Variants in PITPNM2 observed in about 807,000 individuals in gnomAD.
The protein encoded by PITPNM2 is membrane-associated phosphatidylinositol transfer protein 2.
A neutral mutation model predicts 132.2 loss-of-function variants in PITPNM2; 35 were observed. The ratio of observed to expected loss-of-function variants is 0.26; its 90% CI spans 0.20 to 0.35. The LOEUF is 0.35. Ranked by LOEUF, PITPNM2 falls within the 10% of genes least tolerant of loss-of-function variation. The pLI, the probability that PITPNM2 is intolerant of heterozygous loss-of-function variation, is 1.00. For missense variants in PITPNM2, 1,332 were observed against 1,912.0 expected (o/e 0.70, Z 5.66); for synonymous variants, 738 against 799.2 (o/e 0.92, Z 1.29).
intron 2 of PITPNM2, among the ~76,000 whole-genome samples, chr12:123,069,026 G>A (rs2041537929): frequency 6.6e-6 from 1 of 152,178 alleles, no homozygotes; most frequent in South Asian, 2.1e-4. Flanking sequence ...GCTGAGGTGG[G>A]AGGATTGCTT....
chr12:123,150,211 C>A lies in PITPNM2; in HGVS notation c.-200+542G>T, dbSNP rs978411861. On this transcript the variant is annotated intron_variant, in intron 1 of 25. Coordinates refer to ENST00000320201, the MANE Select transcript of PITPNM2 (RefSeq NM_020845.3). This position sits in a 1 kb window ranked among gnomAD's most constrained non-coding sequence, Gnocchi z 6.0. ...GATTCGGGGTGGGAAGAAGACAGAG[C>A]CGGCACCCCATTACCACACGAAGGG... Among the ~76,000 whole-genome samples, 3 of 151,988 alleles carry A rather than the reference C, an allele frequency of 2.0e-5. No individual in the cohort carries two copies. Among genetic ancestry groups the A allele is most frequent in the Non-Finnish European group, 4.4e-5 (3 of 67,964 alleles).
chr12:123,128,431 A>AC (rs1441488009), intron 1 of PITPNM2, among the ~76,000 whole-genome samples: 1 of 133,244 alleles, frequency 7.5e-6, no homozygotes, highest in African/African-American at 3.0e-5. Context: ...ACAGAGCAAG[A>AC]CCCCGTCTCA....
intron 1 of PITPNM2, among the ~76,000 whole-genome samples, chr12:123,124,956 TA>T (rs1566302850): frequency 6.6e-6 from 1 of 152,004 alleles, no homozygotes; most frequent in Non-Finnish European, 1.5e-5. Context: ...AATGTTTCGT[TA>T]AAAAAATTTT....
intron 17 of PITPNM2, among the ~76,000 whole-genome samples, 183 bp from the exon 18 acceptor site, chr12:122,990,131 T>C (rs1387211121): frequency 2.0e-5 from 3 of 152,230 alleles, no homozygotes; most frequent in Non-Finnish European, 4.4e-5. Context: ...AGCTCCTGCA[T>C]GGCCACCCTG....
Position 123,077,925 on chromosome 12 carries a change from G to A in PITPNM2, c.-96+32460C>T, listed in dbSNP as rs1045137284. ...TGCAGAGGTCCGCTGAGCTCCCCAT[G>A]CTGCCGGCCTCAGGGGGCCGCCCCC... On this transcript the variant is annotated intron_variant, in intron 2 of 25. Transcript: ENST00000320201. This position sits in a 1 kb window ranked among gnomAD's most constrained non-coding sequence, Gnocchi z 4.8. 6.6e-6 allele frequency among the ~76,000 whole-genome samples: 1 copy of A among 152,212 alleles called. No homozygotes were observed. Among genetic ancestry groups the A allele is most frequent in the Non-Finnish European group, 1.5e-5 (1 of 68,040 alleles).
At position 123,106,272 on chromosome 12, in the gene PITPNM2, C is replaced by G. The variant is rs1019903443; in HGVS notation, c.-96+4113G>C. 6.6e-6 allele frequency among the ~76,000 whole-genome samples: 1 copy of G among 152,122 alleles called. No homozygotes were observed. The highest frequency in any genetic ancestry group is 1.5e-5 in the Non-Finnish European group (1 of 68,024). ...GTGTGGTGGTGTGCACCTGTAGTCC[C>G]AGCTACTCAGGAGGCTGAGGTGGGA... On this transcript the variant is annotated intron_variant, in intron 2 of 25. Coordinates refer to ENST00000320201, the MANE Select transcript of PITPNM2 (RefSeq NM_020845.3). This position sits in a 1 kb window ranked among gnomAD's most constrained non-coding sequence, Gnocchi z 4.4.
At position 122,995,105 on chromosome 12, in the gene PITPNM2, G is replaced by T. The variant is rs1483978003; in HGVS notation, c.2055-126C>A. On this transcript the variant is annotated intron_variant, in intron 14 of 25. Coordinates refer to ENST00000320201, the MANE Select transcript of PITPNM2 (RefSeq NM_020845.3). ...ACTGGCTTCAGGACAGCCCTGAGCT[G>T]GACCACCTGCCCCTGGTCCATTCTG... 6 of 1,117,746 alleles carry T rather than the reference G, an allele frequency of 5.4e-6. No homozygotes were observed. The African/African-American group carries it at 7.9e-5, about 15-fold the overall frequency. 69.2% of individuals were successfully genotyped at this position (1,117,746 alleles called of 1,614,324 possible).
chr12:123,005,637 C>A lies in PITPNM2; in HGVS notation c.644-89G>T. On this transcript the variant is annotated intron_variant, in intron 6 of 25. Coordinates refer to ENST00000320201, the MANE Select transcript of PITPNM2 (RefSeq NM_020845.3). This position sits in a 1 kb window ranked among gnomAD's most constrained non-coding sequence, Gnocchi z 6.2. Reference sequence around the variant, plus strand: ...CGGAAGTGTGGGGCCCAGGCAGGGGCTTTGGGAGGCTGTACCCATGTTGCA... The same window carrying A: ...CGGAAGTGTGGGGCCCAGGCAGGGGATTTGGGAGGCTGTACCCATGTTGCA... 7.6e-7 allele frequency: 1 copy of A among 1,313,192 alleles called. No homozygotes were observed. Among genetic ancestry groups the A allele is most frequent in the South Asian group, 1.4e-5 (1 of 73,958 alleles). 81.3% of individuals were successfully genotyped at this position (1,313,192 alleles called of 1,614,324 possible).
At chr12:123,037,808 C>T (rs887499001) in intron 2 of PITPNM2, among the ~76,000 whole-genome samples, 3 of 152,242 alleles carry the variant, frequency 2.0e-5, no homozygotes, top group Non-Finnish European at 4.4e-5. Context: ...GGTGAAATCT[C>T]GCAGCCTGAG....
intron 1 of PITPNM2, among the ~76,000 whole-genome samples, chr12:123,119,184 T>G (rs2042986871): frequency 6.6e-6 from 1 of 152,234 alleles, no homozygotes; most frequent in African/African-American, 2.4e-5. Context: ...ACCTGGGGGA[T>G]TTCTCCAATG....
Position 123,074,499 on chromosome 12 carries a change from T to C in PITPNM2, c.-96+35886A>G, listed in dbSNP as rs113742537. ...AACATACCACACATGCACATATAAA[T>C]ACACACATGTCCATATGCACACAAC... On this transcript the variant is annotated intron_variant, in intron 2 of 25. Coordinates refer to ENST00000320201, the MANE Select transcript of PITPNM2 (RefSeq NM_020845.3). Among the ~76,000 whole-genome samples, 496 of 151,436 alleles carry C rather than the reference T, an allele frequency of 3.3e-3. 1 individual carries two copies. Among genetic ancestry groups the C allele is most frequent in the African/African-American group, 0.011 (452 of 41,172 alleles).
intron 2 of PITPNM2, among the ~76,000 whole-genome samples, chr12:123,101,112 A>G (rs2042553265): frequency 6.6e-6 from 1 of 152,252 alleles, no homozygotes; most frequent in Non-Finnish European, 1.5e-5. Flanking sequence ...AGTGCCTGAC[A>G]CAGTGCACAG....
intron 1 of PITPNM2, among the ~76,000 whole-genome samples, chr12:123,120,657 T>C (rs558844807): frequency 1.3e-3 from 202 of 152,312 alleles, no homozygotes; most frequent in African/African-American, 4.8e-3. Context: ...TCTGGGATGA[T>C]GACCTTTGCT....
chr12:122,986,426 G>T lies in PITPNM2; in HGVS notation c.3726+10C>A, dbSNP rs777343644. On this transcript the variant is annotated intron_variant, in intron 25 of 25. Coordinates refer to ENST00000320201, the MANE Select transcript of PITPNM2 (RefSeq NM_020845.3). Reference sequence around the variant, plus strand: ...CCGCCTGCACCCGCCCCCACAATGCGCCCACTCACCTGGCACTGCTGCTGC... The same window carrying T: ...CCGCCTGCACCCGCCCCCACAATGCTCCCACTCACCTGGCACTGCTGCTGC... The T allele has an allele frequency of 1.2e-5, 19 of 1,567,392 alleles. No homozygotes were observed. The highest frequency in any genetic ancestry group is 3.8e-5 in the Admixed American group (2 of 52,326).
intron 2 of PITPNM2, among the ~76,000 whole-genome samples, chr12:123,040,588 A>C (rs1249882929): frequency 6.6e-6 from 1 of 152,192 alleles, no homozygotes; most frequent in Non-Finnish European, 1.5e-5. Flanking sequence ...AGCAACTCCC[A>C]TTTCACTTGA....
At chr12:123,040,759 T>TA (rs1431653094) in intron 2 of PITPNM2, among the ~76,000 whole-genome samples, 1 of 152,152 alleles carries the variant, frequency 6.6e-6, no homozygotes. Context: ...GATACTTTTT[T>TA]AAAAAAAGAT....
chr12:123,026,960 G>A (rs1358641411), intron 3 of PITPNM2, among the ~76,000 whole-genome samples: 1 of 152,198 alleles, frequency 6.6e-6, no homozygotes, highest in Non-Finnish European at 1.5e-5. Context: ...TACACCTTCA[G>A]AGGCCCTATT....
In PITPNM2 at chr12:123,043,618, G is replaced by A. The variant is rs73411070; in HGVS notation, c.-95-8933C>T. ...TGGTCACCAGATCCCACAGCACAGC[G>A]GCCACCTGGGGGCACCGTGGGGCTT... On this transcript the variant is annotated intron_variant, in intron 2 of 25. Coordinates refer to ENST00000320201, the MANE Select transcript of PITPNM2 (RefSeq NM_020845.3). Among the ~76,000 whole-genome samples, 993 of 152,320 alleles carry A rather than the reference G, an allele frequency of 6.5e-3. 14 individuals carry two copies. The highest frequency in any genetic ancestry group is 0.023 in the African/African-American group (936 of 41,566).
intron 2 of PITPNM2, chr12:123,090,185 G>A (rs1384418675): frequency 6.6e-6 from 1 of 152,198 alleles, no homozygotes; most frequent in Non-Finnish European, 1.5e-5. Context: ...GGCTGAGGCT[G>A]ATAGAGTCAT....
Sources: gnomAD v4.1 joint callset for allele counts (sites outside exome capture counted in the v4.1 genomes callset) on GRCh38, gnomAD v4.1.1 for gene constraint, Gnocchi (gnomAD v3.1) non-coding constraint, MANE v1.5 for transcripts, NCBI Gene and HGNC (gene_info 2026-07-23, HGNC 2026-07-21) for gene names.